Variants in MGA observed in about 807,000 individuals in gnomAD.
MGA encodes MAX dimerization protein MGA.
In MGA, 40 loss-of-function variants were observed where a neutral mutation model predicts 261.1. The observed-to-expected ratio is 0.15, with a 90% CI of 0.12 to 0.20. MGA has a LOEUF of 0.20. MGA is among the 10% of genes least tolerant of loss of function. The pLI, the probability that MGA is intolerant of heterozygous loss-of-function variation, is 1.00. For missense variants in MGA, 3,397 were observed against 3,630.5 expected (o/e 0.94, Z 1.65); for synonymous variants, 1,302 against 1,290.6 (o/e 1.01, Z -0.19).
intron 9 of MGA, 80 bp from the exon 10 acceptor site, chr15:41,727,100 G>A (rs2061291341): frequency 9.7e-7 from 1 of 1,034,610 alleles, no homozygotes; most frequent in Non-Finnish European, 1.4e-6. Flanking sequence ...GTGAGGGAGC[G>A]TATTTTGTTT....
chr15:41,717,586 T>C (rs2060709551), intron 9 of MGA, among the ~76,000 whole-genome samples: 1 of 152,180 alleles, frequency 6.6e-6, no homozygotes, highest in Non-Finnish European at 1.5e-5. Flanking sequence ...AAGAAATAGG[T>C]GACTGCTTGC....
intron 17 of MGA, chr15:41,751,187 T>G (rs955276099): frequency 2.0e-5 from 3 of 152,288 alleles, no homozygotes; most frequent in Admixed American, 2.0e-4. Context: ...CTTTGTAATA[T>G]GACCTTTATG....
chr15:41,716,762 G>A (rs1310015993), intron 9 of MGA, among the ~76,000 whole-genome samples: 1 of 152,020 alleles, frequency 6.6e-6, no homozygotes, highest in Non-Finnish European at 1.5e-5. Flanking sequence ...GCAACACTGG[G>A]TATGATGGAA....
At chr15:41,755,548 C>T (rs2063101215) in intron 18 of MGA, among the ~76,000 whole-genome samples, 2 of 152,050 alleles carry the variant, frequency 1.3e-5, no homozygotes, top group Admixed American at 6.5e-5. Context: ...GGAAAAATGC[C>T]GTGTGAGAAC....
Position 41,713,390 on chromosome 15 carries a change from A to G in MGA, c.3324A>G (p.Pro1108=). ...AGAGGAAGGCTGCTCATCGAGATCC[A>G]GTATTTTATGATACTCTGGGAGAGG... Residue 1108 remains proline (P), a synonymous_variant, in exon 9 of 24, where the codon CCA becomes CCG. Coordinates refer to ENST00000219905, the MANE Select transcript of MGA (RefSeq NM_001164273.2). 6.2e-7 allele frequency: 1 copy of G among 1,607,340 alleles called. No homozygotes were observed. The highest frequency in any genetic ancestry group is 8.5e-7 in the Non-Finnish European group (1 of 1,176,668).
rs746272971 is a variant in MGA, at chr15:41,696,260, G to A, written c.1250G>A (p.Ser417Asn). 7 of 1,613,958 alleles carry A rather than the reference G, an allele frequency of 4.3e-6. No individual in the cohort carries two copies. The South Asian group carries it at 6.6e-5, about 15-fold the overall frequency. Residue 417 changes from serine to asparagine, a missense_variant, in exon 3 of 24, where the codon AGT (serine) becomes AAT (asparagine). Transcript: ENST00000219905. Reference sequence around the variant, plus strand: ...GAAGAGACGGATGTATACTCAAACAGTGATGATGATCCTATACTAGAGAAA... The same window carrying A: ...GAAGAGACGGATGTATACTCAAACAATGATGATGATCCTATACTAGAGAAA...
Position 41,729,311 on chromosome 15 carries a change from T to G in MGA, c.3805T>G (p.Ser1269Ala). 2 of 1,613,906 alleles carry G rather than the reference T, an allele frequency of 1.2e-6. No individual in the cohort carries two copies. The highest frequency in any genetic ancestry group is 2.2e-5 in the East Asian group (1 of 44,874). Reference sequence around the variant, plus strand: ...ATCTCCATCATTTCAGCAGCAAACTTCATGTCATTCTAGCCCTGAGAACCA... The same window carrying G: ...ATCTCCATCATTTCAGCAGCAAACTGCATGTCATTCTAGCCCTGAGAACCA... The change falls in exon 11 of 24, where the codon TCA becomes GCA. Residue 1269 changes from serine (S) to alanine (A), a missense_variant. By Grantham distance (99) the Ser-to-Ala change is moderately conservative. This residue lies in a region of MGA where 1,410 missense variants were observed against 1,386.4 expected (regional missense o/e 1.02). Transcript: ENST00000219905.
intron 2 of MGA, chr15:41,684,365 G>C: frequency 2.2e-6 from 1 of 452,364 alleles, no homozygotes; most frequent in South Asian, 1.6e-5. Flanking sequence ...TTAATTAACT[G>C]TTGTTTGTAA....
rs767769284 is a variant in MGA, at chr15:41,748,889, C to T, written c.5465C>T (p.Thr1822Ile). 1.9e-6 allele frequency: 3 copies of T among 1,613,882 alleles called. No individual in the cohort carries two copies. The highest frequency in any genetic ancestry group is 1.7e-5 in the Admixed American group (1 of 60,024). ...TTGCATCAGCTTCGAGGCTCTAATA[C>T]CCAGCCCAACTTACAGCCTGTCATG... Residue 1822 changes from threonine to isoleucine, a missense_variant, in exon 16 of 24, where the codon ACC becomes ATC. Coordinates refer to ENST00000219905, the MANE Select transcript of MGA (RefSeq NM_001164273.2).
chr15:41,696,164 C>G lies in MGA; in HGVS notation c.1154C>G (p.Pro385Arg), dbSNP rs772980524. The G allele has an allele frequency of 7.4e-6, 12 of 1,613,880 alleles. No individual in the cohort carries two copies. The Admixed American group carries it at 1.8e-4, about 25-fold the overall frequency. The change falls in exon 3 of 24, where the codon CCT becomes CGT. Residue 385 changes from proline (P) to arginine (R), a missense_variant. Pro to Arg is a moderately radical substitution (Grantham distance 103). This residue lies in a region of MGA where 563 missense variants were observed against 563.6 expected (regional missense o/e 1.00). Coordinates refer to ENST00000219905, the MANE Select transcript of MGA (RefSeq NM_001164273.2). ...TTCAATGTTGTTATTAAAGAGGAACCTCTAGATGATTATGACTACGAACTT... is the reference window on the plus strand; with the variant it reads ...TTCAATGTTGTTATTAAAGAGGAACGTCTAGATGATTATGACTACGAACTT...
chr15:41,707,756 A>G lies in MGA; in HGVS notation c.2217A>G (p.Pro739=), dbSNP rs751528383. ...GCTTAAAATTGAATTCAGTGGATCCAACAATGAGCATTGATCTTAAATACT... is the reference window on the plus strand; with the variant it reads ...GCTTAAAATTGAATTCAGTGGATCCGACAATGAGCATTGATCTTAAATACT... The change falls in exon 6 of 24, where the codon CCA becomes CCG. Residue 739 remains proline, a synonymous_variant. Transcript: ENST00000219905. 4 of 1,611,416 alleles carry G rather than the reference A, an allele frequency of 2.5e-6. No individual in the cohort carries two copies. Among genetic ancestry groups the G allele is most frequent in the Non-Finnish European group, 3.4e-6 (4 of 1,179,072 alleles).
At position 41,766,650 on chromosome 15, in the gene MGA, A is replaced by C; in HGVS notation, c.8568A>C (p.Pro2856=). Residue 2856 remains proline, a synonymous_variant, in exon 24 of 24, where the codon CCA becomes CCC. Coordinates refer to ENST00000219905, the MANE Select transcript of MGA (RefSeq NM_001164273.2). Reference sequence around the variant, plus strand: ...CCAGCTCTATGGATACAGAGTTCCCAGGGGATGCTCGGCGGGCTTTTATTA... The same window carrying C: ...CCAGCTCTATGGATACAGAGTTCCCCGGGGATGCTCGGCGGGCTTTTATTA... The C allele has an allele frequency of 6.2e-7, 1 of 1,613,988 alleles. No homozygotes were observed. The highest frequency in any genetic ancestry group is 8.5e-7 in the Non-Finnish European group (1 of 1,179,888).
Position 41,750,738 on chromosome 15 carries a change from T to G in MGA, c.7008+123T>G, listed in dbSNP as rs867412667. The G allele has an allele frequency of 2.7e-5, 24 of 897,882 alleles. No homozygotes were observed. The African/African-American group carries it at 3.0e-4, about 11-fold the overall frequency. The allele number at this position is 897,882 out of a possible 1,614,324, so 55.6% of individuals were successfully genotyped here. On this transcript the variant is annotated intron_variant, in intron 17 of 23. Transcript: ENST00000219905. Reference sequence around the variant, plus strand: ...TTAATTGGATGCCTAGGTTTAAGATTATGACTTAAATGGCTTAGTAGTTCT... The same window carrying G: ...TTAATTGGATGCCTAGGTTTAAGATGATGACTTAAATGGCTTAGTAGTTCT...
At chr15:41,690,994 G>GTTTT (rs386382831) in intron 2 of MGA, among the ~76,000 whole-genome samples, 29 of 104,320 alleles carry the variant, frequency 2.8e-4, no homozygotes, top group East Asian at 2.4e-3. Flanking sequence ...AGATTGCTTT[G>GTTTT]TTTTTTTTTT....
chr15:41,716,075 A>G (rs368251540), intron 9 of MGA, among the ~76,000 whole-genome samples: 1 of 152,002 alleles, frequency 6.6e-6, no homozygotes, highest in African/African-American at 2.4e-5. Flanking sequence ...TCTTACTGGT[A>G]CAGTTCATTA....
intron 2 of MGA, among the ~76,000 whole-genome samples, chr15:41,670,696 C>G (rs1442956112): frequency 6.6e-6 from 1 of 152,082 alleles, no homozygotes; most frequent in Admixed American, 6.6e-5. Flanking sequence ...TTGGTAGAGA[C>G]AGGGTTTCAC....
intron 2 of MGA, among the ~76,000 whole-genome samples, chr15:41,694,140 G>A (rs948894828): frequency 2.0e-5 from 3 of 152,174 alleles, no homozygotes; most frequent in Non-Finnish European, 4.4e-5. Flanking sequence ...TGACTGGGCC[G>A]GGCGTGGTGG....
intron 7 of MGA, among the ~76,000 whole-genome samples, chr15:41,708,879 A>G (rs2060244597): frequency 6.6e-6 from 1 of 152,192 alleles, no homozygotes; most frequent in African/African-American, 2.4e-5. Context: ...TTTTGACTGT[A>G]TCCCTCTTGG....
Position 41,669,000 on chromosome 15 carries a change from A to G in MGA, c.106A>G (p.Thr36Ala). ...CTTAAAGCAGCCAGGAAATGGCAAA[A>G]CTGATCAAGGAATTTTGGTTACTAA... The change falls in exon 2 of 24, where the codon ACT becomes GCT. Residue 36 changes from threonine to alanine, a missense_variant. Physicochemically the swap from Thr to Ala is moderately conservative, Grantham distance 58 (BLOSUM62 0). Coordinates refer to ENST00000219905, the MANE Select transcript of MGA (RefSeq NM_001164273.2). The G allele has an allele frequency of 6.2e-7, 1 of 1,613,694 alleles. No homozygotes were observed. The highest frequency in any genetic ancestry group is 2.2e-5 in the East Asian group (1 of 44,876).
Sources: gnomAD v4.1 joint callset for allele counts (sites outside exome capture counted in the v4.1 genomes callset) on GRCh38, gnomAD v4.1.1 for gene constraint, gnomAD v4.1.1 regional missense constraint, MANE v1.5 for transcripts, NCBI Gene and HGNC (gene_info 2026-07-23, HGNC 2026-07-21) for gene names.